The following RANBP17 variants were observed in gnomAD, a reference collection of about 807,000 sequenced individuals.
RANBP17 encodes the protein ran-binding protein 17.
A neutral mutation model predicts 141.2 loss-of-function variants in RANBP17; 158 were observed. The observed-to-expected ratio is 1.12, with a 90% confidence interval of 0.98 to 1.28. The LOEUF is 1.28. RANBP17 is among the 50% of genes most tolerant of loss of function. The pLI is 0.00. For synonymous variants in RANBP17, 430 were observed against 450.0 expected, an observed-to-expected ratio of 0.96 and a Z score of 0.56; for missense variants, 1,438 against 1,290.7, an observed-to-expected ratio of 1.11 and a Z score of -1.75.
intron 25 of RANBP17, among the ~76,000 whole-genome samples, chr5:171,281,295 C>A (rs559661897): frequency 6.6e-6 from 1 of 152,322 alleles, no homozygotes; most frequent in African/African-American, 2.4e-5. Flanking sequence ...GAAGAGAAAT[C>A]TCTTAGGCAC....
chr5:171,184,435 T>G (rs1761094932), intron 18 of RANBP17, among the ~76,000 whole-genome samples: 1 of 152,138 alleles, frequency 6.6e-6, no homozygotes, highest in Non-Finnish European at 1.5e-5. Context: ...AAAAAGTTGA[T>G]CTCATAGAAC....
intron 12 of RANBP17, among the ~76,000 whole-genome samples, chr5:170,934,823 C>G (rs1380889983): frequency 1.3e-5 from 2 of 152,166 alleles, no homozygotes; most frequent in Non-Finnish European, 2.9e-5. Flanking sequence ...GTGGCATTCT[C>G]TGTATTTCCT....
At chr5:170,872,499 A>C (rs770764479) in intron 1 of RANBP17, among the ~76,000 whole-genome samples, 14 of 151,978 alleles carry the variant, frequency 9.2e-5, no homozygotes, top group Non-Finnish European at 1.6e-4. Context: ...AATACCCTTT[A>C]TTTCTTTCTT....
In RANBP17 at chr5:171,221,737, AT is replaced by A. The variant is rs756914764; in HGVS notation, c.2340-14del. 2.6e-6 allele frequency: 4 copies of A among 1,509,772 alleles called. No homozygotes were observed. The highest frequency in any genetic ancestry group is 1.4e-5 in the African/African-American group (1 of 72,594). 93.5% of individuals were successfully genotyped at this position (1,509,772 alleles called of 1,614,324 possible). On this transcript the variant is annotated intron_variant, in intron 21 of 27. Coordinates refer to ENST00000523189, the MANE Select transcript of RANBP17 (RefSeq NM_022897.5). The stretch of plus-strand genomic sequence containing the variant: ...GTTTCTTTATCTTCACATATAGGCA[AT>A]TTTTTTCTATATTTCTTAGATCCCA...
At position 171,213,642 on chromosome 5, in the gene RANBP17, ACCTTCC is replaced by A; in HGVS notation, c.2249_2254del (p.Pro750_Leu751del). On this transcript the variant is annotated inframe_deletion, in exon 21 of 28. Transcript: ENST00000523189. Reference sequence around the variant, plus strand: ...AGGCTTTATAAAAGGTACCCAACGTACCTTCCCCTTCTTCAGAATGCTGTTGAACGG... The same window carrying A: ...AGGCTTTATAAAAGGTACCCAACGTACCTTCTTCAGAATGCTGTTGAACGG... 1 of 1,613,240 alleles carries A rather than the reference ACCTTCC, an allele frequency of 6.2e-7. No homozygotes were observed. The highest frequency in any genetic ancestry group is 8.5e-7 in the Non-Finnish European group (1 of 1,179,258).
chr5:171,014,912 A>T (rs1424325099), intron 14 of RANBP17, among the ~76,000 whole-genome samples: 23 of 152,054 alleles, frequency 1.5e-4, no homozygotes, highest in Admixed American at 1.5e-3. Flanking sequence ...CTGTTTTGGA[A>T]GATGTTAACA....
At chr5:170,914,745 T>C (rs1771809339) in intron 8 of RANBP17, among the ~76,000 whole-genome samples, 1 of 152,150 alleles carries the variant, frequency 6.6e-6, no homozygotes, top group Non-Finnish European at 1.5e-5. Flanking sequence ...CAGTGTAAAT[T>C]CTATTGCATG....
At chr5:171,007,222 G>T (rs917470643) in intron 14 of RANBP17, among the ~76,000 whole-genome samples, 7 of 152,172 alleles carry the variant, frequency 4.6e-5, no homozygotes, top group African/African-American at 1.7e-4. Context: ...AACGCTGGCT[G>T]ATTTGGGAAA....
chr5:171,287,415 C>T (rs1016725901), intron 25 of RANBP17, among the ~76,000 whole-genome samples: 5 of 151,194 alleles, frequency 3.3e-5, no homozygotes, highest in African/African-American at 7.3e-5. Flanking sequence ...GCTTGAACCC[C>T]GGAGGCGGAG....
At chr5:171,102,707 C>T (rs1362963228) in intron 14 of RANBP17, among the ~76,000 whole-genome samples, 1 of 151,990 alleles carries the variant, frequency 6.6e-6, no homozygotes, top group Non-Finnish European at 1.5e-5. Flanking sequence ...CCTTTTTGTG[C>T]TGTTTTTTTC....
chr5:171,035,729 C>CT (rs1781831017), intron 14 of RANBP17, among the ~76,000 whole-genome samples: 23 of 72,394 alleles, frequency 3.2e-4, no homozygotes, highest in East Asian at 1.3e-3. Context: ...CTGTTTGTTT[C>CT]TTTTTTTGTT....
At chr5:171,211,330 TG>T (rs1762870616) in intron 20 of RANBP17, among the ~76,000 whole-genome samples, 1 of 151,966 alleles carries the variant, frequency 6.6e-6, no homozygotes, top group African/African-American at 2.4e-5. Flanking sequence ...GGTGCAGTCT[TG>T]GCTCACTGCA....
At chr5:171,033,364 A>G (rs555792026) in intron 14 of RANBP17, among the ~76,000 whole-genome samples, 24 of 152,316 alleles carry the variant, frequency 1.6e-4, no homozygotes, top group Admixed American at 1.4e-3. Flanking sequence ...GCCTGATTGT[A>G]AAAGACTTTT....
At chr5:171,180,685 A>T (rs2127912965) in intron 16 of RANBP17, among the ~76,000 whole-genome samples, 1 of 152,376 alleles carries the variant, frequency 6.6e-6, no homozygotes, top group Non-Finnish European at 1.5e-5. Flanking sequence ...ATAAGATAAC[A>T]TAAATATTCA....
chr5:171,034,606 A>T (rs1419066815), intron 14 of RANBP17, among the ~76,000 whole-genome samples: 2 of 152,174 alleles, frequency 1.3e-5, no homozygotes, highest in East Asian at 3.8e-4. Flanking sequence ...GAATTACATG[A>T]ATGTTTTTGT....
chr5:171,118,454 A>G (rs1322693976), intron 14 of RANBP17, among the ~76,000 whole-genome samples: 4 of 152,094 alleles, frequency 2.6e-5, no homozygotes, highest in African/African-American at 9.7e-5. Context: ...GCATTTTCAT[A>G]AAGAGTGCAC....
At chr5:171,171,742 A>G (rs1358531497) in intron 16 of RANBP17, among the ~76,000 whole-genome samples, 1 of 151,988 alleles carries the variant, frequency 6.6e-6, no homozygotes, top group Non-Finnish European at 1.5e-5. Context: ...TGAAAAGAAC[A>G]TCATTTTCAT....
At chr5:171,252,730 G>T in intron 24 of RANBP17, 2 of 1,446,700 alleles carry the variant, frequency 1.4e-6, no homozygotes, top group Non-Finnish European at 1.9e-6. Context: ...TGCTGTTGTG[G>T]TTCACTGTGG....
At chr5:171,053,027 C>A (rs1241970242) in intron 14 of RANBP17, among the ~76,000 whole-genome samples, 1 of 77,534 alleles carries the variant, frequency 1.3e-5, no homozygotes, top group Non-Finnish European at 3.0e-5. Context: ...ATCCTGTTGG[C>A]CAGGCTGGTC....
Sources: allele counts gnomAD v4.1 joint callset (sites outside exome capture counted in the v4.1 genomes callset), GRCh38; gene constraint gnomAD v4.1.1; transcripts MANE v1.5; gene names NCBI Gene and HGNC (gene_info 2026-07-23, HGNC 2026-07-21).